PPP2R5E: variants seen among roughly 807,000 people sequenced by gnomAD.
PPP2R5E encodes protein phosphatase 2 regulatory subunit B'epsilon, also known as serine/threonine-protein phosphatase 2A 56 kDa regulatory subunit epsilon isoform.
PPP2R5E carries 4 observed loss-of-function variants against 65.3 expected under a neutral mutation model. That is an observed-to-expected ratio of 0.06 (90% CI 0.03 to 0.14). The LOEUF (loss-of-function observed/expected upper bound fraction) is 0.14, where lower values mean the gene tolerates loss of function less well. Ranked by LOEUF, PPP2R5E falls within the 10% of genes least tolerant of loss-of-function variation. The pLI, the probability that PPP2R5E is intolerant of heterozygous loss-of-function variation, is 1.00. For synonymous variants in PPP2R5E, 183 were observed against 187.4 expected (o/e 0.98, Z 0.19); for missense variants, 274 against 556.1 (o/e 0.49, Z 5.10).
chr14:63,449,700 G>A (rs965307285), intron 3 of PPP2R5E, among the ~76,000 whole-genome samples: 2 of 151,800 alleles, frequency 1.3e-5, no homozygotes, highest in African/African-American at 4.8e-5. Context: ...GAGGGACTGG[G>A]AAAACTATGG....
intron 2 of PPP2R5E, among the ~76,000 whole-genome samples, chr14:63,467,716 T>TTGAAAAAGAAATGTAAGC (rs1383326451): frequency 5.7e-4 from 87 of 152,232 alleles, no homozygotes; most frequent in Non-Finnish European, 1.0e-3. Flanking sequence ...AATTGGGAAC[T>TTGAAAAAGAAATGTAAGC]TGAAAAAGAA....
chr14:63,505,206 G>A (rs1892100603), intron 2 of PPP2R5E, among the ~76,000 whole-genome samples: 1 of 152,048 alleles, frequency 6.6e-6, no homozygotes, highest in African/African-American at 2.4e-5. Context: ...ATGTTTGCTT[G>A]AACCCCAGCA....
chr14:63,470,550 G>T (rs1890063733), intron 2 of PPP2R5E, among the ~76,000 whole-genome samples: 1 of 150,890 alleles, frequency 6.6e-6, no homozygotes, highest in South Asian at 2.1e-4. Flanking sequence ...TCTCTAGGAA[G>T]AACATATTTA....
At chr14:63,488,254 G>C (rs568960928) in intron 2 of PPP2R5E, among the ~76,000 whole-genome samples, 35 of 151,838 alleles carry the variant, frequency 2.3e-4, no homozygotes, top group Non-Finnish European at 1.8e-4. Context: ...GTGGAGTGCA[G>C]TGGCACAATC....
chr14:63,406,222 C>T (rs1339126654), intron 5 of PPP2R5E, among the ~76,000 whole-genome samples: 1 of 151,960 alleles, frequency 6.6e-6, no homozygotes, highest in Non-Finnish European at 1.5e-5. Flanking sequence ...CCAGCCTGCC[C>T]AACATGGTGA....
chr14:63,429,669 GTTTTTGTTTTTTGT>G (rs562838814), intron 3 of PPP2R5E, among the ~76,000 whole-genome samples: 6 of 150,824 alleles, frequency 4.0e-5, no homozygotes, highest in Admixed American at 6.6e-5. Flanking sequence ...TTGTTTGTTT[GTTTTTGTTTTTTGT>G]TTTTTGTTTT....
chr14:63,480,313 C>T (rs1464798417), intron 2 of PPP2R5E, among the ~76,000 whole-genome samples: 1 of 152,026 alleles, frequency 6.6e-6, no homozygotes, highest in African/African-American at 2.4e-5. Context: ...CAAAAATTAG[C>T]CAGGTGTGTT....
chr14:63,421,985 C>T lies in PPP2R5E; in HGVS notation c.456+8G>A. 1 of 1,589,824 alleles carries T rather than the reference C, an allele frequency of 6.3e-7. No homozygotes were observed. Among genetic ancestry groups the T allele is most frequent in the South Asian group, 1.1e-5 (1 of 90,404 alleles). Reference sequence around the variant, plus strand: ...TTTTCTTTTATAACAAATGGTATTTCAAAGTACCTGTAAGTGTGGCCACGA... The same window carrying T: ...TTTTCTTTTATAACAAATGGTATTTTAAAGTACCTGTAAGTGTGGCCACGA... On this transcript the variant is annotated splice_region_variant and intron_variant, in intron 4 of 13. Coordinates refer to ENST00000337537, the MANE Select transcript of PPP2R5E (RefSeq NM_006246.5).
At chr14:63,477,290 C>T (rs950382568) in intron 2 of PPP2R5E, among the ~76,000 whole-genome samples, 1 of 152,102 alleles carries the variant, frequency 6.6e-6, no homozygotes, top group African/African-American at 2.4e-5. Flanking sequence ...TAAATAACCA[C>T]CATTTATTGA....
At chr14:63,409,880 G>A (rs1309040694) in intron 5 of PPP2R5E, among the ~76,000 whole-genome samples, 1 of 152,224 alleles carries the variant, frequency 6.6e-6, no homozygotes, top group Non-Finnish European at 1.5e-5. Flanking sequence ...CTTGCTGAAA[G>A]TCATACTGCA....
At chr14:63,441,669 T>G (rs8003956) in intron 3 of PPP2R5E, among the ~76,000 whole-genome samples, 34,752 of 152,070 alleles carry the variant, frequency 0.23, 4,277 homozygotes, top group East Asian at 0.31. Context: ...CCCAGCACTT[T>G]GGGAGGCCGA....
chr14:63,455,115 C>T (rs1161236983), intron 2 of PPP2R5E, among the ~76,000 whole-genome samples: 1 of 152,194 alleles, frequency 6.6e-6, no homozygotes, highest in Non-Finnish European at 1.5e-5. Context: ...CTGGCTTGGG[C>T]TGCCTGCTCC....
At chr14:63,495,766 T>C (rs940736686) in intron 2 of PPP2R5E, among the ~76,000 whole-genome samples, 5 of 151,856 alleles carry the variant, frequency 3.3e-5, no homozygotes, top group South Asian at 4.1e-4. Context: ...TCATGGCTCA[T>C]TGCAGCCTCA....
rs1885246873 is a variant in PPP2R5E, at chr14:63,395,143, G to A, written c.740+83C>T. 5 of 1,119,192 alleles carry A rather than the reference G, an allele frequency of 4.5e-6. No homozygotes were observed. In the Admixed American group the frequency reaches 8.7e-5, roughly 19 times the overall value. 69.3% of individuals were successfully genotyped at this position (1,119,192 alleles called of 1,614,324 possible). ...CAATGTACATACAGCAAGAGAACTAGGTGAGCATCTCTTGGTGCCACCTGA... is the reference window on the plus strand; with the variant it reads ...CAATGTACATACAGCAAGAGAACTAAGTGAGCATCTCTTGGTGCCACCTGA... On this transcript the variant is annotated intron_variant, in intron 7 of 13. Transcript: ENST00000337537.
At chr14:63,532,799 G>A (rs59282502) in intron 2 of PPP2R5E, among the ~76,000 whole-genome samples, 3,491 of 152,284 alleles carry the variant, frequency 0.023, 136 homozygotes, top group African/African-American at 0.08. Flanking sequence ...ACGACATGGA[G>A]TGTAGTAACC....
chr14:63,415,688 A>G (rs531270166), intron 4 of PPP2R5E, among the ~76,000 whole-genome samples: 5 of 152,318 alleles, frequency 3.3e-5, no homozygotes, highest in Admixed American at 3.3e-4. Context: ...AATTTACATC[A>G]ATAATATCTC....
intron 2 of PPP2R5E, among the ~76,000 whole-genome samples, chr14:63,532,972 C>G (rs1893498562): frequency 6.6e-6 from 1 of 152,158 alleles, no homozygotes; most frequent in Admixed American, 6.5e-5. Flanking sequence ...CCTAGGACTA[C>G]AGGTGTGTAC....
At chr14:63,478,283 C>T (rs1041205440) in intron 2 of PPP2R5E, among the ~76,000 whole-genome samples, 2 of 152,084 alleles carry the variant, frequency 1.3e-5, no homozygotes, top group African/African-American at 4.8e-5. Context: ...TTTGGTTTCA[C>T]AATTACTCAG....
At chr14:63,412,427 A>G (rs1490274514) in intron 5 of PPP2R5E, among the ~76,000 whole-genome samples, 1 of 152,224 alleles carries the variant, frequency 6.6e-6, no homozygotes, top group African/African-American at 2.4e-5. Flanking sequence ...AAGTCACGAC[A>G]AGGGAATGAA....
Sources: gnomAD v4.1 joint callset for allele counts (sites outside exome capture counted in the v4.1 genomes callset) on GRCh38, gnomAD v4.1.1 for gene constraint, MANE v1.5 for transcripts, NCBI Gene and HGNC (gene_info 2026-07-23, HGNC 2026-07-21) for gene names.